Variants in SRRM4 observed in about 807,000 individuals in gnomAD.
SRRM4 encodes serine/arginine repetitive matrix 4.
In SRRM4, 33 loss-of-function variants were observed where a neutral mutation model predicts 68.9. The ratio of observed to expected loss-of-function variants is 0.48; its 90% confidence interval spans 0.36 to 0.64. SRRM4 has a LOEUF of 0.64. SRRM4 is among the 30% of genes least tolerant of loss of function. The pLI is 0.00. For synonymous variants in SRRM4, 318 were observed against 318.8 expected (o/e 1.00, Z 0.03); for missense variants, 817 against 827.1 (o/e 0.99, Z 0.15).
At position 119,156,622 on chromosome 12, in the gene SRRM4, A is replaced by G. The variant is rs1954473705; in HGVS notation, c.1660A>G (p.Ser554Gly). Residue 554 changes from serine to glycine, a missense_variant, in exon 13 of 13, where the codon AGT becomes GGT. Transcript: ENST00000267260. The stretch of plus-strand genomic sequence containing the variant: ...CAGCCGCAGCTACTCCCGGAGCCGG[A>G]GTCGGAGCCGGAGCCGGAGACGGAG... The part of the protein sequence containing the change: ...SASRSYSRSR[S>G]RSRSRRRSRT... The G allele has an allele frequency of 6.2e-7, 1 of 1,607,112 alleles. No homozygotes were observed. Among genetic ancestry groups the G allele is most frequent in the Non-Finnish European group, 8.5e-7 (1 of 1,178,100 alleles).
At chr12:118,990,924 A>G (rs752420207) in intron 1 of SRRM4, among the ~76,000 whole-genome samples, 1 of 152,152 alleles carries the variant, frequency 6.6e-6, no homozygotes, top group East Asian at 1.9e-4. Flanking sequence ...GGCTCAAGGA[A>G]TTCTCCTGCC....
rs1279575616 is a variant in SRRM4, at chr12:119,049,468, G to A, written c.132-52768G>A. On this transcript the variant is annotated intron_variant, in intron 1 of 12. Coordinates refer to ENST00000267260, the MANE Select transcript of SRRM4 (RefSeq NM_194286.4). ...TTAGCAGGACTTGGCTTTATAATAT[G>A]AGTGAGATAGGAAGCCTCGGTTTGA... 2.0e-5 allele frequency among the ~76,000 whole-genome samples: 3 copies of A among 152,208 alleles called. No homozygotes were observed. The East Asian group carries it at 5.8e-4, about 29-fold the overall frequency.
chr12:119,095,130 T>G (rs74465603), intron 1 of SRRM4, among the ~76,000 whole-genome samples: 3,974 of 152,310 alleles, frequency 0.026, 81 homozygotes, highest in South Asian at 0.05. Context: ...CCAGGCTTAA[T>G]GAACTGGATT....
At chr12:119,040,388 C>G (rs1953659128) in intron 1 of SRRM4, among the ~76,000 whole-genome samples, 1 of 152,128 alleles carries the variant, frequency 6.6e-6, no homozygotes, top group African/African-American at 2.4e-5. Context: ...TCCATTGTAT[C>G]ATTCTTATGC....
In SRRM4 at chr12:119,035,148, A is replaced by T. The variant is rs1350109657; in HGVS notation, c.131+53135A>T. Among the ~76,000 whole-genome samples the T allele has an allele frequency of 6.6e-5, 10 of 152,306 alleles. No individual in the cohort carries two copies. In the East Asian group the frequency reaches 1.9e-3, roughly 29 times the overall value. On this transcript the variant is annotated intron_variant, in intron 1 of 12. Coordinates refer to ENST00000267260, the MANE Select transcript of SRRM4 (RefSeq NM_194286.4). Reference sequence around the variant, plus strand: ...AAATTAACCCTTGCATTTAAAAAAAATTGACTTTTCTCCTCTTCAATTGGA... The same window carrying T: ...AAATTAACCCTTGCATTTAAAAAAATTTGACTTTTCTCCTCTTCAATTGGA...
rs80190430 is a variant in SRRM4, at chr12:119,102,985, T to C, written c.278+603T>C. On this transcript the variant is annotated intron_variant, in intron 2 of 12. Coordinates refer to ENST00000267260, the MANE Select transcript of SRRM4 (RefSeq NM_194286.4). The stretch of plus-strand genomic sequence containing the variant: ...GAAGTAAAGTGAGTTCCCCAGAATA[T>C]GACAGCCACTAAGTGGCAGAGTGAA... Among the ~76,000 whole-genome samples, 292 of 152,304 alleles carry C rather than the reference T, an allele frequency of 1.9e-3. 2 individuals carry two copies. Among genetic ancestry groups the C allele is most frequent in the African/African-American group, 6.8e-3 (284 of 41,572 alleles).
In SRRM4 at chr12:119,159,686, A is replaced by T. The variant is rs1197039126; in HGVS notation, c.*2888A>T. 1 of 152,070 alleles carries T rather than the reference A, an allele frequency of 6.6e-6. No individual in the cohort carries two copies. Among genetic ancestry groups the T allele is most frequent in the Non-Finnish European group, 1.5e-5 (1 of 68,002 alleles). 9.4% of individuals were successfully genotyped at this position (152,070 alleles called of 1,614,324 possible). Reference sequence around the variant, plus strand: ...CTCCCTAGCTTCTCTGAGCACACCTAGTTGGTTTCATGTATGTTACACATG... The same window carrying T: ...CTCCCTAGCTTCTCTGAGCACACCTTGTTGGTTTCATGTATGTTACACATG... On this transcript the variant is annotated 3_prime_UTR_variant, in exon 13 of 13. Coordinates refer to ENST00000267260, the MANE Select transcript of SRRM4 (RefSeq NM_194286.4).
intron 1 of SRRM4, among the ~76,000 whole-genome samples, chr12:119,080,107 A>T (rs1171782394): frequency 6.6e-6 from 1 of 151,912 alleles, no homozygotes; most frequent in African/African-American, 2.4e-5. Context: ...TCCTGTCTTA[A>T]CCCCTAACCT....
At chr12:119,068,039 C>T (rs1247505401) in intron 1 of SRRM4, among the ~76,000 whole-genome samples, 1 of 152,222 alleles carries the variant, frequency 6.6e-6, no homozygotes, top group Non-Finnish European at 1.5e-5. Flanking sequence ...TGCAAGTCCA[C>T]TAGGAATGTC....
chr12:119,162,366 G>A lies in SRRM4; in HGVS notation c.*5568G>A, dbSNP rs916347602. On this transcript the variant is annotated 3_prime_UTR_variant, in exon 13 of 13. Transcript: ENST00000267260. ...TAGTTTGAACTTCTCTCTAAGCCCC[G>A]TGGTCCAAAGTCATCACGGGAGAGA... The A allele has an allele frequency of 6.6e-6, 1 of 152,154 alleles. No homozygotes were observed. Among genetic ancestry groups the A allele is most frequent in the Non-Finnish European group, 1.5e-5 (1 of 68,028 alleles). The allele number at this position is 152,154 out of a possible 1,614,324, so 9.4% of individuals were successfully genotyped here.
intron 1 of SRRM4, among the ~76,000 whole-genome samples, chr12:119,084,810 A>T (rs58970099): frequency 6.6e-6 from 1 of 152,138 alleles, no homozygotes; most frequent in African/African-American, 2.4e-5. Flanking sequence ...TTCCTGAAAG[A>T]GGTGACATCT....
intron 1 of SRRM4, among the ~76,000 whole-genome samples, chr12:119,062,984 T>G (rs1953823847): frequency 6.6e-6 from 1 of 152,242 alleles, no homozygotes; most frequent in Non-Finnish European, 1.5e-5. Flanking sequence ...GCTAGACACA[T>G]AGTAAGCCTT....
intron 8 of SRRM4, among the ~76,000 whole-genome samples, chr12:119,139,279 C>T (rs1225299008): frequency 1.3e-5 from 2 of 152,050 alleles, no homozygotes; most frequent in African/African-American, 4.8e-5. Context: ...CTTTTTCAGC[C>T]CATCAGATGC....
Position 119,162,734 on chromosome 12 carries a change from G to A in SRRM4, c.*5936G>A, listed in dbSNP as rs1187839440. The A allele has an allele frequency of 2.0e-5, 3 of 152,236 alleles. No homozygotes were observed. The highest frequency in any genetic ancestry group is 1.9e-4 in the East Asian group (1 of 5,180). 9.4% of individuals were successfully genotyped at this position (152,236 alleles called of 1,614,324 possible). A position where few individuals can be genotyped will look rare whatever the true frequency, so the allele number is the denominator to read the frequency against. On this transcript the variant is annotated 3_prime_UTR_variant, in exon 13 of 13. Transcript: ENST00000267260. ...AATCCACCACATTGGCCAAGGGGAC[G>A]TGGTGCACCCCAAGGCCATTTCTCT...
At chr12:119,083,024 A>G (rs1428056906) in intron 1 of SRRM4, among the ~76,000 whole-genome samples, 1 of 152,156 alleles carries the variant, frequency 6.6e-6, no homozygotes, top group Admixed American at 6.5e-5. Flanking sequence ...AGGGGAGTGA[A>G]GTCTGGTGTT....
At position 119,099,238 on chromosome 12, in the gene SRRM4, G is replaced by A. The variant is rs191305949; in HGVS notation, c.132-2998G>A. Among the ~76,000 whole-genome samples the A allele has an allele frequency of 3.6e-4, 55 of 152,216 alleles. 1 individual carries two copies. The highest frequency in any genetic ancestry group is 2.9e-3 in the Admixed American group (45 of 15,286). On this transcript the variant is annotated intron_variant, in intron 1 of 12. Coordinates refer to ENST00000267260, the MANE Select transcript of SRRM4 (RefSeq NM_194286.4). ...CAACCTCTGCTTCCTGGGTTCAAGC[G>A]ATTCTCCTGCCTCAGCCTCCTGAGT... is the stretch of plus-strand genomic sequence containing the variant.
At chr12:118,982,688 TTTTTTTTC>T (rs1490740343) in intron 1 of SRRM4, among the ~76,000 whole-genome samples, 152 of 141,878 alleles carry the variant, frequency 1.1e-3, no homozygotes, top group African/African-American at 4.0e-3. Flanking sequence ...TGTTTTTTTT[TTTTTTTTC>T]CAAAAAGAAT....
intron 1 of SRRM4, among the ~76,000 whole-genome samples, chr12:119,092,130 T>C (rs1408545665): frequency 2.6e-5 from 4 of 152,230 alleles, no homozygotes; most frequent in African/African-American, 9.7e-5. Flanking sequence ...GGCACTTCTA[T>C]TGAGCCATCT....
chr12:119,051,908 T>G (rs1403014265), intron 1 of SRRM4, among the ~76,000 whole-genome samples: 2 of 152,258 alleles, frequency 1.3e-5, no homozygotes, highest in East Asian at 1.9e-4. Flanking sequence ...TGGGCCCATC[T>G]GCACTTCTAT....
Sources: gnomAD v4.1 joint callset for allele counts (sites outside exome capture counted in the v4.1 genomes callset) on GRCh38, gnomAD v4.1.1 for gene constraint, MANE v1.5 for transcripts, NCBI Gene and HGNC (gene_info 2026-07-23, HGNC 2026-07-21) for gene names.